ZNG1E: variants seen among roughly 807,000 people sequenced by gnomAD.
The protein encoded by ZNG1E is Zn regulated GTPase metalloprotein activator 1E.
At chr9:65,714,943 G>C in the ZNG1E span, among the ~76,000 whole-genome samples, 2 of 151,228 alleles carry the variant, frequency 1.3e-5, no homozygotes, top group African/African-American at 2.4e-5. Flanking sequence ...GAGCTTCCTG[G>C]CTGCTTTGTT....
the ZNG1E span, among the ~76,000 whole-genome samples, chr9:65,672,697 C>T: frequency 2.0e-5 from 3 of 148,474 alleles, no homozygotes; most frequent in African/African-American, 5.1e-5. Context: ...GAGCCAAGAT[C>T]GTGCCACTGC....
chr9:65,675,163 T>C, the ZNG1E span, among the ~76,000 whole-genome samples: 54 of 152,356 alleles, frequency 3.5e-4, no homozygotes, highest in African/African-American at 1.2e-3. Context: ...AGGCTGTGGA[T>C]TGGAAGCGGG....
the ZNG1E span, among the ~76,000 whole-genome samples, chr9:65,691,492 A>G: frequency 4.6e-5 from 7 of 152,244 alleles, no homozygotes; most frequent in East Asian, 1.9e-4. Flanking sequence ...TAATGATGAA[A>G]TCTTTGTTCA....
At chr9:65,709,364 T>A in the ZNG1E span, among the ~76,000 whole-genome samples, 2 of 151,050 alleles carry the variant, frequency 1.3e-5, no homozygotes, top group Admixed American at 6.6e-5. Flanking sequence ...TATTTATTAT[T>A]ATTATACTTT....
At chr9:65,727,418 A>G in the ZNG1E span, among the ~76,000 whole-genome samples, 1 of 140,362 alleles carries the variant, frequency 7.1e-6, no homozygotes, top group Admixed American at 7.3e-5. Context: ...AACATTGAAT[A>G]TAAATGGCCT....
chr9:65,667,364 G>A, the ZNG1E span, among the ~76,000 whole-genome samples: 2 of 152,246 alleles, frequency 1.3e-5, no homozygotes, highest in African/African-American at 4.8e-5. Context: ...TAAAAATAAA[G>A]TATATGGGTA....
chr9:65,700,297 G>GT, the ZNG1E span: 1 of 530,364 alleles, frequency 1.9e-6, no homozygotes, highest in Non-Finnish European at 3.0e-6. Flanking sequence ...AACAGACTTG[G>GT]TTCCAGAAGA....
chr9:65,658,218 T>G, the ZNG1E span, among the ~76,000 whole-genome samples: 1 of 2,700 alleles, frequency 3.7e-4, no homozygotes, highest in South Asian at 6.5e-3. Flanking sequence ...CACAGAGGCG[T>G]AAGAGGAGAT....
the ZNG1E span, among the ~76,000 whole-genome samples, chr9:65,678,095 G>A: frequency 7.1e-6 from 1 of 141,624 alleles, no homozygotes; most frequent in East Asian, 2.1e-4. Flanking sequence ...GTCTTAAAGT[G>A]TTTTTTTTTT....
the ZNG1E span, among the ~76,000 whole-genome samples, chr9:65,699,910 T>C: frequency 6.6e-6 from 1 of 150,926 alleles, no homozygotes; most frequent in Non-Finnish European, 1.5e-5. Flanking sequence ...AAGAAAATTA[T>C]GAGTTTAAAA....
At chr9:65,699,100 T>C in the ZNG1E span, among the ~76,000 whole-genome samples, 3 of 150,196 alleles carry the variant, frequency 2.0e-5, no homozygotes, top group Non-Finnish European at 4.4e-5. Context: ...TTTATTTTTT[T>C]TTAGTAGAGA....
chr9:65,691,465 C>A, the ZNG1E span, among the ~76,000 whole-genome samples: 9 of 152,170 alleles, frequency 5.9e-5, no homozygotes, highest in South Asian at 4.1e-4. Flanking sequence ...CATTGTGGTT[C>A]TTTTCACACT....
At chr9:65,693,660 C>G in the ZNG1E span, among the ~76,000 whole-genome samples, 5 of 144,744 alleles carry the variant, frequency 3.5e-5, 1 homozygote, top group African/African-American at 1.3e-4. Flanking sequence ...CAGGTTCAAG[C>G]GATTCCCTTG....
At chr9:65,710,674 G>A in the ZNG1E span, among the ~76,000 whole-genome samples, 1 of 151,358 alleles carries the variant, frequency 6.6e-6, no homozygotes, top group South Asian at 2.1e-4. Flanking sequence ...TAGATATGCG[G>A]CGTTATTTCT....
chr9:65,662,202 A>G, the ZNG1E span, among the ~76,000 whole-genome samples: 1 of 152,224 alleles, frequency 6.6e-6, no homozygotes, highest in Non-Finnish European at 1.5e-5. Flanking sequence ...CTGAAACATA[A>G]GACAAATCCA....
the ZNG1E span, chr9:65,703,748 A>G: frequency 5.8e-5 from 56 of 965,386 alleles, no homozygotes; most frequent in Non-Finnish European, 6.6e-5. Context: ...CAGAGGCCTT[A>G]GATGAGTGGC....
At chr9:65,684,443 T>G in the ZNG1E span, among the ~76,000 whole-genome samples, 2 of 152,014 alleles carry the variant, frequency 1.3e-5, no homozygotes, top group African/African-American at 2.4e-5. Context: ...GGCTAAGGCA[T>G]GAGAATCGCT....
the ZNG1E span, among the ~76,000 whole-genome samples, chr9:65,664,313 T>C: frequency 3.3e-5 from 5 of 150,530 alleles, no homozygotes; most frequent in Non-Finnish European, 7.4e-5. Context: ...TGAATTCCCA[T>C]GTGTTGTGGG....
chr9:65,666,771 G>A, the ZNG1E span, among the ~76,000 whole-genome samples: 1 of 151,004 alleles, frequency 6.6e-6, no homozygotes, highest in African/African-American at 2.4e-5. Flanking sequence ...CCATTATGAT[G>A]TAAAAGCATA....
Sources: allele counts gnomAD v4.1 joint callset (sites outside exome capture counted in the v4.1 genomes callset), GRCh38; gene constraint gnomAD v4.1.1; transcripts MANE v1.5; gene names NCBI Gene and HGNC (gene_info 2026-07-23, HGNC 2026-07-21).